The following CXCL10 variants were observed in gnomAD, a reference collection of about 807,000 sequenced individuals.
CXCL10 encodes C-X-C motif chemokine 10.
CXCL10 carries 6 observed loss-of-function variants against 10.8 expected under a neutral mutation model. That is an observed-to-expected ratio of 0.55 (90% CI 0.30 to 1.09). The LOEUF is 1.09. Ranked by LOEUF, CXCL10 falls within the 50% of genes least tolerant of loss-of-function variation. The probability of loss-of-function intolerance (pLI) is 0.06; values close to 1 mark genes in which losing one functional copy is unlikely to be tolerated. For missense variants in CXCL10, 114 were observed against 114.3 expected (o/e 1.00, Z 0.01); for synonymous variants, 35 against 35.8 (o/e 0.98, Z 0.08).
At position 76,021,777 on chromosome 4, in the gene CXCL10, A is replaced by C; in HGVS notation, c.*153T>G. Reference sequence around the variant, plus strand: ...CTTCCTACAGGAGTAGTAGCAGCTGATTTGGTGACCATCATTGGTCACCTT... The same window carrying C: ...CTTCCTACAGGAGTAGTAGCAGCTGCTTTGGTGACCATCATTGGTCACCTT... On this transcript the variant is annotated 3_prime_UTR_variant, in exon 4 of 4. Coordinates refer to ENST00000306602, the MANE Select transcript of CXCL10 (RefSeq NM_001565.4). 1.3e-6 allele frequency: 1 copy of C among 745,594 alleles called. No homozygotes were observed. Among genetic ancestry groups the C allele is most frequent in the Non-Finnish European group, 2.4e-6 (1 of 415,632 alleles). The allele number at this position is 745,594 out of a possible 1,614,324, so 46.2% of individuals were successfully genotyped here.
intron 1 of CXCL10, 150 bp from the exon 2 acceptor site, chr4:76,022,967 T>G (rs1034228137): frequency 1.2e-5 from 9 of 766,642 alleles, no homozygotes; most frequent in Non-Finnish European, 1.9e-5. Context: ...ATAACACAAC[T>G]GTAAATGATT....
Position 76,022,794 on chromosome 4 carries a change from G to T in CXCL10, c.85C>A (p.Arg29Ser), listed in dbSNP as rs11548618. 2.5e-6 allele frequency: 4 copies of T among 1,611,540 alleles called. No homozygotes were observed. The highest frequency in any genetic ancestry group is 3.4e-6 in the Non-Finnish European group (4 of 1,179,740). ...TTACTAATGCTGATGCAGGTACAGC[G>T]TACAGTTCTAGAGAGAGGTACTCCT... Reference protein sequence around the residue: ...IQGVPLSRTVRCTCISISNQP... With the variant: ...IQGVPLSRTVSCTCISISNQP... The change falls in exon 2 of 4, where the codon CGC becomes AGC. Residue 29 changes from arginine (R) to serine (S), a missense_variant. By Grantham distance (110) the Arg-to-Ser change is moderately radical. Coordinates refer to ENST00000306602, the MANE Select transcript of CXCL10 (RefSeq NM_001565.4).
rs1432749534 is a variant in CXCL10, at chr4:76,023,109, C to G, written c.61+262G>C. ...TCTGTATCTCATCTCTGTCCGCATT[C>G]CCTCACATTTTCTCTCTCTATCCTC... On this transcript the variant is annotated intron_variant, in intron 1 of 3. Transcript: ENST00000306602. 2.0e-5 allele frequency among the ~76,000 whole-genome samples: 3 copies of G among 152,198 alleles called. No homozygotes were observed. The East Asian group carries it at 5.8e-4, about 29-fold the overall frequency.
intron 1 of CXCL10, 102 bp downstream of exon 1, chr4:76,023,269 A>C: frequency 1.2e-6 from 1 of 860,702 alleles, no homozygotes; most frequent in Non-Finnish European, 1.9e-6. Flanking sequence ...ATTTATAAGC[A>C]TGCAGTGAAA....
chr4:76,022,052 T>G lies in CXCL10; in HGVS notation c.279-104A>C, dbSNP rs1732879198. 3.7e-6 allele frequency: 4 copies of G among 1,087,946 alleles called. No homozygotes were observed. In the South Asian group the frequency reaches 5.1e-5, roughly 14 times the overall value. 67.4% of individuals were successfully genotyped at this position (1,087,946 alleles called of 1,614,324 possible). Reference sequence around the variant, plus strand: ...AGTTCATAGAATAGATAACTGAGCTTTCCTGCTGCTATGCATTCATTATGG... The same window carrying G: ...AGTTCATAGAATAGATAACTGAGCTGTCCTGCTGCTATGCATTCATTATGG... On this transcript the variant is annotated intron_variant, in intron 3 of 3. Coordinates refer to ENST00000306602, the MANE Select transcript of CXCL10 (RefSeq NM_001565.4).
chr4:76,023,104 G>A lies in CXCL10; in HGVS notation c.61+267C>T, dbSNP rs748956231. On this transcript the variant is annotated intron_variant, in intron 1 of 3. Transcript: ENST00000306602. ...AAGTATCTGTATCTCATCTCTGTCCGCATTCCCTCACATTTTCTCTCTCTA... is the reference window on the plus strand; with the variant it reads ...AAGTATCTGTATCTCATCTCTGTCCACATTCCCTCACATTTTCTCTCTCTA... 7.9e-5 allele frequency among the ~76,000 whole-genome samples: 12 copies of A among 151,990 alleles called. No individual in the cohort carries two copies. The South Asian group carries it at 8.3e-4, about 11-fold the overall frequency.
At position 76,021,694 on chromosome 4, in the gene CXCL10, T is replaced by G. The variant is rs1732832306; in HGVS notation, c.*236A>C. 1 of 541,634 alleles carries G rather than the reference T, an allele frequency of 1.8e-6. No individual in the cohort carries two copies. Among genetic ancestry groups the G allele is most frequent in the South Asian group, 2.7e-5 (1 of 37,258 alleles). The allele number at this position is 541,634 out of a possible 1,614,324, so 33.6% of individuals were successfully genotyped here. ...AAGAACATAGCACCTCAGTAGAGCT[T>G]ACATTATAGTGCCAGGGTAGAGTTA... On this transcript the variant is annotated 3_prime_UTR_variant, in exon 4 of 4. Coordinates refer to ENST00000306602, the MANE Select transcript of CXCL10 (RefSeq NM_001565.4).
intron 2 of CXCL10, 62 bp from the exon 3 acceptor site, chr4:76,022,517 A>G (rs1034650628): frequency 6.5e-6 from 10 of 1,537,130 alleles, no homozygotes; most frequent in Middle Eastern, 1.7e-4. Context: ...AACAGATGGC[A>G]TACGCAGTTC....
At position 76,022,790 on chromosome 4, in the gene CXCL10, C is replaced by T. The variant is rs201830102; in HGVS notation, c.89G>A (p.Cys30Tyr). ...QGVPLSRTVR[C>Y]TCISISNQPV... ...TTGATTACTAATGCTGATGCAGGTA[C>T]AGCGTACAGTTCTAGAGAGAGGTAC... Residue 30 changes from cysteine to tyrosine, a missense_variant, in exon 2 of 4, where the codon TGT becomes TAT. Coordinates refer to ENST00000306602, the MANE Select transcript of CXCL10 (RefSeq NM_001565.4). The T allele has an allele frequency of 1.9e-6, 3 of 1,611,986 alleles. No individual in the cohort carries two copies. Among genetic ancestry groups the T allele is most frequent in the East Asian group, 2.2e-5 (1 of 44,844 alleles).
In CXCL10 at chr4:76,021,808, G is replaced by T. The variant is rs999975208; in HGVS notation, c.*122C>A. 2 of 972,668 alleles carry T rather than the reference G, an allele frequency of 2.1e-6. No homozygotes were observed. Among genetic ancestry groups the T allele is most frequent in the Non-Finnish European group, 3.3e-6 (2 of 607,232 alleles). The allele number at this position is 972,668 out of a possible 1,614,324, so 60.3% of individuals were successfully genotyped here. A position where few individuals can be genotyped will look rare whatever the true frequency, so the allele number is the denominator to read the frequency against. On this transcript the variant is annotated 3_prime_UTR_variant, in exon 4 of 4. Transcript: ENST00000306602. Reference sequence around the variant, plus strand: ...TGACCATCATTGGTCACCTTTTAGTGTAACTGCAAACTAAGAACAATTATG... The same window carrying T: ...TGACCATCATTGGTCACCTTTTAGTTTAACTGCAAACTAAGAACAATTATG...
In CXCL10 at chr4:76,022,347, C is replaced by T. The variant is rs1282752026; in HGVS notation, c.278+19G>A. 3 of 1,597,754 alleles carry T rather than the reference C, an allele frequency of 1.9e-6. No homozygotes were observed. The highest frequency in any genetic ancestry group is 2.6e-6 in the Non-Finnish European group (3 of 1,166,186). On this transcript the variant is annotated intron_variant, in intron 3 of 3. Transcript: ENST00000306602. ...CGTTTCCTAAAGAGCAATTCTTCTG[C>T]AGGCAACAGCAAACCTACCTTTCCT...
In CXCL10 at chr4:76,021,641, T is replaced by C. The variant is rs1732824770; in HGVS notation, c.*289A>G. ...TGGAAGATGGGAAAGGTGAGGGAAATATTTGAAGCAGGGTCAGAACATCCA... is the reference window on the plus strand; with the variant it reads ...TGGAAGATGGGAAAGGTGAGGGAAACATTTGAAGCAGGGTCAGAACATCCA... On this transcript the variant is annotated 3_prime_UTR_variant, in exon 4 of 4. Coordinates refer to ENST00000306602, the MANE Select transcript of CXCL10 (RefSeq NM_001565.4). The C allele has an allele frequency of 8.0e-6, 3 of 375,874 alleles. No homozygotes were observed. The Admixed American group carries it at 1.3e-4, about 16-fold the overall frequency. The allele number at this position is 375,874 out of a possible 1,614,324, so 23.3% of individuals were successfully genotyped here. A position where few individuals can be genotyped will look rare whatever the true frequency, so the allele number is the denominator to read the frequency against.
chr4:76,022,756 A>G lies in CXCL10; in HGVS notation c.123T>C (p.Asn41=). The G allele has an allele frequency of 6.2e-7, 1 of 1,613,636 alleles. No individual in the cohort carries two copies. Among genetic ancestry groups the G allele is most frequent in the Non-Finnish European group, 8.5e-7 (1 of 1,179,860 alleles). Residue 41 remains asparagine (N), a synonymous_variant, in exon 2 of 4, where the codon AAT becomes AAC. Transcript: ENST00000306602. ...TTTCAAGTTTTTCTAAAGACCTTGG[A>G]TTAACAGGTTGATTACTAATGCTGA... ...TCISISNQPV[N]PRSLEKLEII...
chr4:76,021,665 C>A lies in CXCL10; in HGVS notation c.*265G>T. 2.4e-6 allele frequency: 1 copy of A among 420,330 alleles called. No homozygotes were observed. The highest frequency in any genetic ancestry group is 4.2e-6 in the Non-Finnish European group (1 of 236,058). The allele number at this position is 420,330 out of a possible 1,614,324, so 26.0% of individuals were successfully genotyped here. On this transcript the variant is annotated 3_prime_UTR_variant, in exon 4 of 4. Coordinates refer to ENST00000306602, the MANE Select transcript of CXCL10 (RefSeq NM_001565.4). ...ATATTTGAAGCAGGGTCAGAACATC[C>A]ACTAAGAACATAGCACCTCAGTAGA...
In CXCL10 at chr4:76,021,130, A is replaced by G. The variant is rs925823087; in HGVS notation, c.*800T>C. 5 of 152,290 alleles carry G rather than the reference A, an allele frequency of 3.3e-5. No homozygotes were observed. Among genetic ancestry groups the G allele is most frequent in the Non-Finnish European group, 7.3e-5 (5 of 68,040 alleles). The allele number at this position is 152,290 out of a possible 1,614,324, so 9.4% of individuals were successfully genotyped here. ...AAGGCACTTCATCTTAGTTATAATT[A>G]CTTTATTAACCTTTTGATCTTTCAA... On this transcript the variant is annotated 3_prime_UTR_variant, in exon 4 of 4. Coordinates refer to ENST00000306602, the MANE Select transcript of CXCL10 (RefSeq NM_001565.4).
At chr4:76,022,501 C>A in intron 2 of CXCL10, 46 bp from the exon 3 acceptor site, 1 of 1,567,450 alleles carries the variant, frequency 6.4e-7, no homozygotes, top group South Asian at 1.1e-5. Flanking sequence ...TGTGTTGGGT[C>A]AATAAAACAG....
chr4:76,022,803 TAG>T lies in CXCL10; in HGVS notation c.74_75del (p.Ser25Ter). 1 of 1,610,132 alleles carries T rather than the reference TAG, an allele frequency of 6.2e-7. No homozygotes were observed. Among genetic ancestry groups the T allele is most frequent in the Non-Finnish European group, 8.5e-7 (1 of 1,179,618 alleles). ...CTGATGCAGGTACAGCGTACAGTTC[TAG>T]AGAGAGGTACTCCTGTAGGAAAAGA... is the stretch of plus-strand genomic sequence containing the variant. ...TLSGIQGVPL[S>X]RTVRCTCISI... On this transcript the variant is annotated frameshift_variant, in exon 2 of 4. Transcript: ENST00000306602. LOFTEE classifies it high-confidence loss of function.
In CXCL10 at chr4:76,022,379, C is replaced by T; in HGVS notation, c.265G>A (p.Val89Ile). ...SKAIKNLLKA[V>I]SKERSKRSP The stretch of plus-strand genomic sequence containing the variant: ...CAGCAAACCTACCTTTCCTTGCTAA[C>T]TGCTTTCAGTAAATTCTTGATGGCC... The change falls in exon 3 of 4, where the codon GTT becomes ATT. Residue 89 changes from valine to isoleucine, a missense_variant. Coordinates refer to ENST00000306602, the MANE Select transcript of CXCL10 (RefSeq NM_001565.4). The T allele has an allele frequency of 6.2e-7, 1 of 1,613,584 alleles. No homozygotes were observed. Among genetic ancestry groups the T allele is most frequent in the Non-Finnish European group, 8.5e-7 (1 of 1,179,888 alleles).
chr4:76,023,218 A>G (rs1173204263), intron 1 of CXCL10, among the ~76,000 whole-genome samples, 153 bp downstream of exon 1: 1 of 151,976 alleles, frequency 6.6e-6, no homozygotes, highest in Non-Finnish European at 1.5e-5. Context: ...CAATTCATAT[A>G]AGTTTTATGA....
Sources: gnomAD v4.1 joint callset for allele counts (sites outside exome capture counted in the v4.1 genomes callset) on GRCh38, gnomAD v4.1.1 for gene constraint, MANE v1.5 for transcripts, NCBI Gene and HGNC (gene_info 2026-07-23, HGNC 2026-07-21) for gene names.